DOCK4: variants seen among roughly 807,000 people sequenced by gnomAD.
The protein encoded by DOCK4 is dedicator of cytokinesis protein 4.
In DOCK4, 97 loss-of-function variants were observed where a neutral mutation model predicts 268.1. The ratio of observed to expected loss-of-function variants is 0.36; its 90% CI spans 0.31 to 0.43. The LOEUF (loss-of-function observed/expected upper bound fraction) is 0.43. DOCK4 is among the 20% of genes least tolerant of loss of function. The pLI, the probability that DOCK4 is intolerant of heterozygous loss-of-function variation, is 1.00. For missense variants in DOCK4, 2,145 were observed against 2,455.7 expected (o/e 0.87, Z 2.67); for synonymous variants, 954 against 887.2 (o/e 1.08, Z -1.34).
intron 8 of DOCK4, 175 bp downstream of exon 8, chr7:111,976,957 C>T (rs1320036740): frequency 1.6e-6 from 1 of 615,910 alleles, no homozygotes; most frequent in East Asian, 2.9e-5. Flanking sequence ...CATTCATCAT[C>T]CCTCACAGAA....
chr7:112,037,145 A>G (rs1460227005), intron 1 of DOCK4, among the ~76,000 whole-genome samples: 2 of 152,164 alleles, frequency 1.3e-5, no homozygotes, highest in African/African-American at 4.8e-5. Flanking sequence ...AATAAATTAC[A>G]TGAGATATTC....
At chr7:111,954,796 A>G (rs1796330589) in intron 8 of DOCK4, among the ~76,000 whole-genome samples, 1 of 152,050 alleles carries the variant, frequency 6.6e-6, no homozygotes, top group South Asian at 2.1e-4. Flanking sequence ...AAAACAGGGT[A>G]CTGCTCCACA....
intron 1 of DOCK4, among the ~76,000 whole-genome samples, chr7:112,053,872 G>A (rs117595929): frequency 1.3e-5 from 2 of 152,288 alleles, no homozygotes; most frequent in African/African-American, 2.4e-5. Flanking sequence ...ATGAAGATAG[G>A]AGCTGTTCCT....
At chr7:111,970,265 T>C (rs1586532108) in intron 8 of DOCK4, among the ~76,000 whole-genome samples, 1 of 152,170 alleles carries the variant, frequency 6.6e-6, no homozygotes, top group East Asian at 1.9e-4. Flanking sequence ...TAAACTGCCA[T>C]GTTAGAATAC....
chr7:111,814,723 A>G (rs759008082), intron 27 of DOCK4, among the ~76,000 whole-genome samples: 7 of 152,116 alleles, frequency 4.6e-5, no homozygotes, highest in African/African-American at 1.7e-4. Flanking sequence ...TATTAGGACG[A>G]TTTGTATGGG....
chr7:111,733,965 T>A (rs1423226895), intron 51 of DOCK4, among the ~76,000 whole-genome samples: 1 of 152,206 alleles, frequency 6.6e-6, no homozygotes, highest in Non-Finnish European at 1.5e-5. Context: ...TGTGGCAAGG[T>A]CTCACTTTGT....
At position 112,128,665 on chromosome 7, in the gene DOCK4, T is replaced by C. The variant is rs144716732; in HGVS notation, c.37+77437A>G. ...TGTCCTCTGTCCACTCAGGGTTAAA[T>C]GGATTAAGGGCGGTGCAAGATGTGC... On this transcript the variant is annotated intron_variant, in intron 1 of 52. Coordinates refer to ENST00000428084, the MANE Select transcript of DOCK4 (RefSeq NM_001363540.2). 5.5e-3 allele frequency among the ~76,000 whole-genome samples: 844 copies of C among 152,304 alleles called. 10 individuals are homozygous for C. The highest frequency in any genetic ancestry group is 0.019 in the African/African-American group (789 of 41,554).
chr7:112,078,084 T>C (rs368719199), intron 1 of DOCK4, among the ~76,000 whole-genome samples: 110 of 152,282 alleles, frequency 7.2e-4, no homozygotes, highest in African/African-American at 2.5e-3. Context: ...CTCTACTAAA[T>C]GGTATACTGA....
chr7:112,012,372 G>T (rs1475846244), intron 1 of DOCK4, among the ~76,000 whole-genome samples: 1 of 152,046 alleles, frequency 6.6e-6, no homozygotes, highest in Non-Finnish European at 1.5e-5. Flanking sequence ...TTGGCAATGA[G>T]ACTGATAAGG....
chr7:112,163,993 C>T (rs189089013), intron 1 of DOCK4, among the ~76,000 whole-genome samples: 161 of 152,250 alleles, frequency 1.1e-3, no homozygotes, highest in Middle Eastern at 6.8e-3. Flanking sequence ...ACACACAGAC[C>T]CTATCTTGGC....
rs967409996 is a variant in DOCK4 at position 111,949,637 on chromosome 7, A to G, written c.702-3839T>C. On this transcript the variant is annotated intron_variant, in intron 8 of 52. Transcript: ENST00000428084. ...TTAAAAGCCAGACTTCTTTTAAAAGAAAAAAGAAAAAAAAAAGGAAAACAT... is the reference window on the plus strand; with the variant it reads ...TTAAAAGCCAGACTTCTTTTAAAAGGAAAAAGAAAAAAAAAAGGAAAACAT... Among the ~76,000 whole-genome samples the G allele has an allele frequency of 4.6e-5, 7 of 152,114 alleles. No homozygotes were observed. In the East Asian group the frequency reaches 1.3e-3, roughly 29 times the overall value.
intron 23 of DOCK4, among the ~76,000 whole-genome samples, chr7:111,859,144 G>A (rs1260997057): frequency 6.6e-6 from 1 of 152,156 alleles, no homozygotes; most frequent in Non-Finnish European, 1.5e-5. Context: ...TCAGCCTGCT[G>A]AGTAGCGGGG....
intron 1 of DOCK4, among the ~76,000 whole-genome samples, chr7:112,055,270 A>G (rs1396617481): frequency 1.3e-5 from 2 of 152,230 alleles, no homozygotes; most frequent in Non-Finnish European, 2.9e-5. Flanking sequence ...GTAGATTAAT[A>G]AAAACAAGGA....
chr7:111,947,971 T>C (rs1194362082), intron 8 of DOCK4, among the ~76,000 whole-genome samples: 1 of 152,124 alleles, frequency 6.6e-6, no homozygotes, highest in Non-Finnish European at 1.5e-5. Context: ...CAGGTGATTC[T>C]CCCGTCTTGG....
intron 10 of DOCK4, among the ~76,000 whole-genome samples, chr7:111,944,033 GA>G (rs1293402073): frequency 4.6e-5 from 7 of 152,160 alleles, no homozygotes; most frequent in Admixed American, 3.9e-4. Flanking sequence ...AGACTTAACG[GA>G]AAAACTGTGT....
At chr7:111,926,133 AAAG>A in intron 12 of DOCK4, among the ~76,000 whole-genome samples, 1 of 146,406 alleles carries the variant, frequency 6.8e-6, no homozygotes, top group Non-Finnish European at 1.5e-5. Flanking sequence ...AGAAAGAAAG[AAAG>A]AAAGAAAGAA....
intron 12 of DOCK4, among the ~76,000 whole-genome samples, chr7:111,917,811 T>C (rs1440960013): frequency 6.6e-6 from 1 of 152,122 alleles, no homozygotes; most frequent in African/African-American, 2.4e-5. Context: ...CACATTTCTC[T>C]CAATAATGCA....
intron 30 of DOCK4, among the ~76,000 whole-genome samples, chr7:111,797,940 T>C (rs1271915669): frequency 6.6e-6 from 1 of 152,106 alleles, no homozygotes; most frequent in African/African-American, 2.4e-5. Flanking sequence ...TAGGACCAAA[T>C]AGCACCTTAG....
At chr7:111,935,742 C>T in intron 11 of DOCK4, 114 bp from the exon 12 acceptor site, 2 of 820,908 alleles carry the variant, frequency 2.4e-6, no homozygotes, top group Non-Finnish European at 3.9e-6. Context: ...TCCTTGAGGT[C>T]CCCATCAACC....
Sources: allele counts gnomAD v4.1 joint callset (sites outside exome capture counted in the v4.1 genomes callset), GRCh38; gene constraint gnomAD v4.1.1; transcripts MANE v1.5; gene names NCBI Gene and HGNC (gene_info 2026-07-23, HGNC 2026-07-21).